Variants in IFTAP observed in about 807,000 individuals in gnomAD.
The protein encoded by IFTAP is intraflagellar transport-associated protein.
A neutral mutation model predicts 19.4 loss-of-function variants in IFTAP; 19 were observed. The observed-to-expected ratio is 0.98, with a 90% CI of 0.68 to 1.44. IFTAP has a LOEUF of 1.44. IFTAP is among the 40% of genes most tolerant of loss of function. IFTAP has a pLI of 0.00. For synonymous variants in IFTAP, 85 were observed against 83.5 expected, an observed-to-expected ratio of 1.02 and a Z score of -0.10; for missense variants, 240 against 253.6, an observed-to-expected ratio of 0.95 and a Z score of 0.36.
intron 2 of IFTAP, among the ~76,000 whole-genome samples, chr11:36,613,043 G>A (rs1297898017): frequency 6.6e-6 from 1 of 152,154 alleles, no homozygotes; most frequent in Admixed American, 6.6e-5. Context: ...AATGTTTAAA[G>A]AGACATATTA....
chr11:36,651,127 C>T (rs1853706223), intron 5 of IFTAP, among the ~76,000 whole-genome samples: 1 of 152,204 alleles, frequency 6.6e-6, no homozygotes, highest in Non-Finnish European at 1.5e-5. Flanking sequence ...TGAGGAGTCG[C>T]CACACTGTCT....
At chr11:36,607,164 G>T (rs368193427) in intron 1 of IFTAP, among the ~76,000 whole-genome samples, 14 of 152,132 alleles carry the variant, frequency 9.2e-5, no homozygotes, top group African/African-American at 3.1e-4. Flanking sequence ...AGGTAACATC[G>T]CTGCCTTCAA....
chr11:36,652,629 C>A (rs1320936228), intron 5 of IFTAP, among the ~76,000 whole-genome samples: 1 of 152,066 alleles, frequency 6.6e-6, no homozygotes, highest in Non-Finnish European at 1.5e-5. Flanking sequence ...CTATCTTGTG[C>A]CAGTTTTCAA....
chr11:36,658,077 G>A (rs551964211), intron 5 of IFTAP, among the ~76,000 whole-genome samples: 59 of 152,220 alleles, frequency 3.9e-4, no homozygotes, highest in African/African-American at 1.3e-3. Flanking sequence ...ACATTTTTAC[G>A]AACATTGCAT....
rs575172471 is a variant in IFTAP at position 36,603,959 on chromosome 11, C to A, written c.-23-6122C>A. Among the ~76,000 whole-genome samples the A allele has an allele frequency of 3.3e-5, 5 of 151,438 alleles. No homozygotes were observed. The South Asian group carries it at 1.0e-3, about 32-fold the overall frequency. On this transcript the variant is annotated intron_variant, in intron 1 of 5. Transcript: ENST00000334307. ...AAAAGTCAATATGTAAATTATAAGT[C>A]TCTTTAGGGAAGGACCTAGATCTGT... is the stretch of plus-strand genomic sequence containing the variant.
intron 4 of IFTAP, among the ~76,000 whole-genome samples, chr11:36,647,384 A>G (rs1487681441): frequency 6.6e-6 from 1 of 152,122 alleles, no homozygotes; most frequent in Non-Finnish European, 1.5e-5. Flanking sequence ...CAGGAGACAT[A>G]TCTGCTTATA....
chr11:36,654,782 G>T (rs1853906808), intron 5 of IFTAP, among the ~76,000 whole-genome samples: 1 of 151,662 alleles, frequency 6.6e-6, no homozygotes, highest in Non-Finnish European at 1.5e-5. Context: ...CACTTATCGA[G>T]TGCTGCCAAT....
At chr11:36,602,882 A>G (rs1428558471) in intron 1 of IFTAP, among the ~76,000 whole-genome samples, 5 of 152,126 alleles carry the variant, frequency 3.3e-5, no homozygotes, top group Admixed American at 2.0e-4. Flanking sequence ...TTTTGATTTC[A>G]AAAACAATGG....
intron 5 of IFTAP, among the ~76,000 whole-genome samples, chr11:36,650,347 C>A (rs190980508): frequency 2.0e-5 from 3 of 151,674 alleles, no homozygotes; most frequent in African/African-American, 7.3e-5. Flanking sequence ...TGAATTGGAC[C>A]AACTCAATGT....
chr11:36,613,069 C>T (rs532085165), intron 2 of IFTAP, among the ~76,000 whole-genome samples: 81 of 152,144 alleles, frequency 5.3e-4, no homozygotes, highest in African/African-American at 1.8e-3. Context: ...TAGTTTTAAA[C>T]GGCCAATTAT....
intron 5 of IFTAP, among the ~76,000 whole-genome samples, chr11:36,654,574 T>C (rs889577791): frequency 6.6e-6 from 1 of 152,128 alleles, no homozygotes; most frequent in African/African-American, 2.4e-5. Context: ...GCTTAACCTA[T>C]AGTTCTTCCC....
chr11:36,636,171 A>G (rs1852942926), intron 4 of IFTAP, 54 bp downstream of exon 4: 4 of 1,362,516 alleles, frequency 2.9e-6, no homozygotes, highest in Non-Finnish European at 4.2e-6. Flanking sequence ...GAAACTACAA[A>G]TAAGGCTTTA....
chr11:36,613,113 G>A (rs1296384556), intron 2 of IFTAP, among the ~76,000 whole-genome samples: 3 of 151,994 alleles, frequency 2.0e-5, no homozygotes, highest in Non-Finnish European at 4.4e-5. Flanking sequence ...CAGTTCAGGA[G>A]GGTAAATCAA....
intron 2 of IFTAP, among the ~76,000 whole-genome samples, chr11:36,630,688 T>C (rs748685076): frequency 1.3e-5 from 2 of 151,422 alleles, no homozygotes; most frequent in Non-Finnish European, 2.9e-5. Flanking sequence ...TTTTCAGACA[T>C]TGCTGTGCTT....
chr11:36,654,343 T>A (rs1853879943), intron 5 of IFTAP, among the ~76,000 whole-genome samples: 1 of 152,182 alleles, frequency 6.6e-6, no homozygotes, highest in Admixed American at 6.5e-5. Context: ...ATTTTATTTT[T>A]TTATTTTTTA....
intron 2 of IFTAP, among the ~76,000 whole-genome samples, chr11:36,622,100 T>C (rs1242582109): frequency 6.6e-6 from 1 of 151,430 alleles, no homozygotes; most frequent in Non-Finnish European, 1.5e-5. Flanking sequence ...ATTTTTTTTT[T>C]TGTGAAGGCT....
Position 36,636,071 on chromosome 11 carries a change from A to G in IFTAP, c.312A>G (p.Leu104=), listed in dbSNP as rs773246581. ...TCTAGGTAGATAATTTCCTAGATTT[A>G]GAAGATTTGGACATGGATGAAGAGA... ...LEEQVDNFLD[L]EDLDMDEEIK... Residue 104 remains leucine, a synonymous_variant, in exon 4 of 6, where the codon TTA becomes TTG. Transcript: ENST00000334307. 1.2e-6 allele frequency: 2 copies of G among 1,608,182 alleles called. No homozygotes were observed. The highest frequency in any genetic ancestry group is 3.3e-5 in the Admixed American group (2 of 59,968).
intron 2 of IFTAP, among the ~76,000 whole-genome samples, chr11:36,618,019 T>C (rs1340229557): frequency 6.6e-6 from 1 of 152,064 alleles, no homozygotes; most frequent in Non-Finnish European, 1.5e-5. Context: ...TTAATCATTA[T>C]AATGACCTAG....
In IFTAP at chr11:36,659,162, A is replaced by C; in HGVS notation, c.642A>C (p.Pro214=). 6.3e-7 allele frequency: 1 copy of C among 1,590,158 alleles called. No individual in the cohort carries two copies. The highest frequency in any genetic ancestry group is 8.5e-7 in the Non-Finnish European group (1 of 1,171,140). The change falls in exon 6 of 6, where the codon CCA becomes CCC. Residue 214 remains proline (P), a synonymous_variant. Coordinates refer to ENST00000334307, the MANE Select transcript of IFTAP (RefSeq NM_138787.4). ...CKQQKRKDTS[P]DLEKSCD is the part of the protein sequence containing the mutation. The stretch of plus-strand genomic sequence containing the variant: ...AGCAGAAGAGAAAGGACACCAGCCC[A>C]GACTTAGAGAAATCCTGTGACTGAT...
Sources: allele counts gnomAD v4.1 joint callset (sites outside exome capture counted in the v4.1 genomes callset), GRCh38; gene constraint gnomAD v4.1.1; transcripts MANE v1.5; gene names NCBI Gene and HGNC (gene_info 2026-07-23, HGNC 2026-07-21).